COL5A2: variants seen among roughly 807,000 people sequenced by gnomAD.
COL5A2 encodes collagen alpha-2(V) chain.
A neutral mutation model predicts 208.2 loss-of-function variants in COL5A2; 23 were observed. The ratio of observed to expected loss-of-function variants is 0.11; its 90% confidence interval spans 0.08 to 0.16. The LOEUF (loss-of-function observed/expected upper bound fraction) is 0.16. Among genes scored for constraint, COL5A2 ranks in the 10% least tolerant of loss-of-function variants. The probability of loss-of-function intolerance (pLI) is 1.00; values close to 1 mark genes in which losing one functional copy is unlikely to be tolerated. For synonymous variants in COL5A2, 625 were observed against 628.5 expected (o/e 0.99, Z 0.08); for missense variants, 1,590 against 1,956.4 (o/e 0.81, Z 3.53).
At chr2:189,115,889 T>G (rs967597610) in intron 1 of COL5A2, among the ~76,000 whole-genome samples, 1 of 152,212 alleles carries the variant, frequency 6.6e-6, no homozygotes, top group African/African-American at 2.4e-5. Flanking sequence ...CCAGAGAGGA[T>G]GTGCTCTTAG....
the COL5A2 span, among the ~76,000 whole-genome samples, chr2:189,307,489 C>A: frequency 1.3e-5 from 2 of 152,060 alleles, no homozygotes; most frequent in Non-Finnish European, 2.9e-5. Flanking sequence ...CCTACCACTG[C>A]ACATTTTTAA....
chr2:189,099,973 G>T (rs1033850556), intron 4 of COL5A2, 134 bp downstream of exon 4: 6 of 710,284 alleles, frequency 8.4e-6, no homozygotes, highest in African/African-American at 1.8e-5. Flanking sequence ...TGGTTTGCTT[G>T]TGTTATACTA....
the COL5A2 span, among the ~76,000 whole-genome samples, chr2:189,371,021 T>C: frequency 8.4e-3 from 1,278 of 152,264 alleles, 17 homozygotes; most frequent in African/African-American, 0.029. Flanking sequence ...TTTAACACCA[T>C]CCCCTTGGTG....
chr2:189,427,902 G>A, the COL5A2 span, among the ~76,000 whole-genome samples: 2 of 152,248 alleles, frequency 1.3e-5, no homozygotes, highest in East Asian at 3.9e-4. Context: ...TAGCCCCTTG[G>A]TTTTGGCCAA....
the COL5A2 span, among the ~76,000 whole-genome samples, chr2:189,246,227 A>G: frequency 1.3e-5 from 2 of 152,238 alleles, no homozygotes; most frequent in African/African-American, 4.8e-5. Context: ...GACACGTTAC[A>G]CATTAGTAAA....
chr2:189,411,801 C>T, the COL5A2 span, among the ~76,000 whole-genome samples: 1 of 152,090 alleles, frequency 6.6e-6, no homozygotes, highest in East Asian at 1.9e-4. Flanking sequence ...TTAAACAAAA[C>T]TTGGCATTTA....
chr2:189,132,239 C>T (rs1687730338), intron 1 of COL5A2, among the ~76,000 whole-genome samples: 2 of 152,186 alleles, frequency 1.3e-5, no homozygotes, highest in Non-Finnish European at 2.9e-5. Flanking sequence ...TTTCCTACCA[C>T]ATCAACATTC....
chr2:189,403,438 C>T, the COL5A2 span, among the ~76,000 whole-genome samples: 3 of 152,114 alleles, frequency 2.0e-5, no homozygotes, highest in African/African-American at 7.2e-5. Context: ...GCCCTGGCCA[C>T]AACTTCCAAT....
the COL5A2 span, among the ~76,000 whole-genome samples, chr2:189,279,374 G>A: frequency 2.6e-5 from 4 of 151,540 alleles, no homozygotes; most frequent in East Asian, 3.9e-4. Flanking sequence ...TTTAAATGAC[G>A]GATATTTTAG....
the COL5A2 span, among the ~76,000 whole-genome samples, chr2:189,339,113 G>A: frequency 2.0e-5 from 3 of 152,136 alleles, no homozygotes; most frequent in African/African-American, 7.2e-5. Flanking sequence ...CAATTTGGGA[G>A]GCCAAGGTGG....
chr2:189,228,371 G>T (rs1005411765), upstream of COL5A2, among the ~76,000 whole-genome samples: 1 of 151,550 alleles, frequency 6.6e-6, no homozygotes, highest in Admixed American at 6.6e-5. Flanking sequence ...AAAATTAATT[G>T]GCCTTTTGAA....
At chr2:189,315,944 T>G in the COL5A2 span, among the ~76,000 whole-genome samples, 1 of 151,996 alleles carries the variant, frequency 6.6e-6, no homozygotes, top group Non-Finnish European at 1.5e-5. Context: ...GACTTTTTAA[T>G]AAAAAGTCAA....
chr2:189,282,925 A>G, the COL5A2 span, among the ~76,000 whole-genome samples: 1 of 152,184 alleles, frequency 6.6e-6, no homozygotes, highest in Non-Finnish European at 1.5e-5. Flanking sequence ...AGGTGCTAAA[A>G]ATAACATGTA....
chr2:189,410,237 C>T, the COL5A2 span, among the ~76,000 whole-genome samples: 2 of 151,832 alleles, frequency 1.3e-5, no homozygotes, highest in Non-Finnish European at 2.9e-5. Context: ...AAATTATTTC[C>T]ATCATATTTA....
the COL5A2 span, among the ~76,000 whole-genome samples, chr2:189,293,856 C>G: frequency 6.6e-6 from 1 of 152,068 alleles, no homozygotes; most frequent in East Asian, 1.9e-4. Context: ...GAGGCCAAGG[C>G]GGGCACATCA....
rs12987102 is a variant in COL5A2 at position 189,195,662 on chromosome 2, G to A, written c.-42+29486C>T. Among the ~76,000 whole-genome samples, 371 of 152,090 alleles carry A rather than the reference G, an allele frequency of 2.4e-3. 3 individuals carry two copies. The highest frequency in any genetic ancestry group is 4.0e-3 in the Non-Finnish European group (272 of 67,940). On this transcript the variant is annotated intron_variant, in intron 1 of 10. Transcript: ENST00000649966. ...ACAGAGACCTCAGAAATAACACCAC[G>A]TATCTACAGCCATCTGATCTTCCAC...
At chr2:189,436,713 A>T in the COL5A2 span, among the ~76,000 whole-genome samples, 1 of 152,126 alleles carries the variant, frequency 6.6e-6, no homozygotes, top group East Asian at 1.9e-4. Context: ...ACATGTATGG[A>T]GCTGGAAGCC....
chr2:189,246,290 A>G, the COL5A2 span, among the ~76,000 whole-genome samples: 2 of 138,188 alleles, frequency 1.4e-5, no homozygotes, highest in South Asian at 2.3e-4. Flanking sequence ...ATTTATTAGG[A>G]AAAAAAAAAA....
chr2:189,350,532 C>T, the COL5A2 span, among the ~76,000 whole-genome samples: 1 of 152,026 alleles, frequency 6.6e-6, no homozygotes, highest in Non-Finnish European at 1.5e-5. Context: ...AATATCATTC[C>T]AAGGTGTGAA....
Sources: allele counts gnomAD v4.1 joint callset (sites outside exome capture counted in the v4.1 genomes callset), GRCh38; gene constraint gnomAD v4.1.1; transcripts MANE v1.5; gene names NCBI Gene and HGNC (gene_info 2026-07-23, HGNC 2026-07-21).